The following KYNU variants were observed in gnomAD, a reference collection of about 807,000 sequenced individuals.
KYNU encodes kynureninase, also known as L-kynurenine hydrolase.
A neutral mutation model predicts 59.2 loss-of-function variants in KYNU; 54 were observed. The ratio of observed to expected loss-of-function variants is 0.91; its 90% confidence interval spans 0.73 to 1.14. The LOEUF is 1.14. KYNU is among the 50% of genes most tolerant of loss of function. The pLI is 0.00. For synonymous variants in KYNU, 177 were observed against 192.0 expected (o/e 0.92, Z 0.65); for missense variants, 567 against 554.4 (o/e 1.02, Z -0.23).
At chr2:142,884,157 C>T (rs1194055336) in intron 1 of KYNU, among the ~76,000 whole-genome samples, 3 of 152,132 alleles carry the variant, frequency 2.0e-5, no homozygotes, top group African/African-American at 7.2e-5. Flanking sequence ...AAACAGAATA[C>T]AATGTGGTTT....
chr2:143,046,167 C>T lies in KYNU; in HGVS notation c.*3995C>T, dbSNP rs923450629. On this transcript the variant is annotated 3_prime_UTR_variant, in exon 14 of 14. Coordinates refer to ENST00000264170, the MANE Select transcript of KYNU (RefSeq NM_003937.3). ...GCTCCCTCCCCAAATCCACAGATAA[C>T]CATCGAATTATATTTTGTTTTCTTC... 1 of 152,126 alleles carries T rather than the reference C, an allele frequency of 6.6e-6. No homozygotes were observed. Among genetic ancestry groups the T allele is most frequent in the Non-Finnish European group, 1.5e-5 (1 of 68,022 alleles). 9.4% of individuals were successfully genotyped at this position (152,126 alleles called of 1,614,324 possible). A position where few individuals can be genotyped will look rare whatever the true frequency, so the allele number is the denominator to read the frequency against.
intron 7 of KYNU, 172 bp downstream of exon 7, chr2:142,957,887 C>G (rs1395695255): frequency 8.6e-6 from 5 of 579,380 alleles, no homozygotes; most frequent in Non-Finnish European, 1.5e-5. Flanking sequence ...TAGAGAATAA[C>G]TCAGATGTGT....
At chr2:143,039,252 C>A (rs1686969088) in intron 12 of KYNU, among the ~76,000 whole-genome samples, 2 of 152,040 alleles carry the variant, frequency 1.3e-5, no homozygotes, top group African/African-American at 4.8e-5. Context: ...TATTTAACTG[C>A]TTGTTTTCTT....
intron 4 of KYNU, among the ~76,000 whole-genome samples, chr2:142,944,029 A>G (rs1683693549): frequency 6.6e-6 from 1 of 152,232 alleles, no homozygotes; most frequent in African/African-American, 2.4e-5. Context: ...TTAGGATTAA[A>G]AAGACACAGA....
intron 8 of KYNU, among the ~76,000 whole-genome samples, chr2:142,969,968 A>G (rs1684667238): frequency 1.3e-5 from 2 of 152,342 alleles, no homozygotes; most frequent in South Asian, 2.1e-4. Context: ...CTGAAAAATG[A>G]AAGTGTTCCA....
At chr2:142,941,172 C>A (rs1021229147) in intron 4 of KYNU, among the ~76,000 whole-genome samples, 4 of 152,152 alleles carry the variant, frequency 2.6e-5, no homozygotes, top group Admixed American at 2.0e-4. Flanking sequence ...GGGCAGCCCC[C>A]CATAGTGAGA....
chr2:142,913,315 T>G (rs1682562477), intron 2 of KYNU, among the ~76,000 whole-genome samples: 1 of 152,222 alleles, frequency 6.6e-6, no homozygotes, highest in Admixed American at 6.5e-5. Context: ...AACTTACTGA[T>G]GTAGGTGCTT....
chr2:142,939,989 C>A (rs965286892), intron 4 of KYNU, among the ~76,000 whole-genome samples: 3 of 152,196 alleles, frequency 2.0e-5, no homozygotes, highest in Admixed American at 2.0e-4. Context: ...AATCTCCTCC[C>A]ACACCAGTGG....
intron 12 of KYNU, among the ~76,000 whole-genome samples, chr2:143,035,518 T>C (rs554668319): frequency 1.4e-4 from 21 of 152,358 alleles, no homozygotes; most frequent in African/African-American, 5.0e-4. Context: ...TTTCTAGACA[T>C]TTATGGGTTT....
chr2:142,885,980 A>T (rs1225337231), intron 2 of KYNU, among the ~76,000 whole-genome samples: 6 of 152,216 alleles, frequency 3.9e-5, no homozygotes, highest in Non-Finnish European at 7.3e-5. Context: ...GAGATGTTAT[A>T]TGAATAGCCA....
Position 143,048,320 on chromosome 2 carries a change from A to G in KYNU, c.*6148A>G, listed in dbSNP as rs1687203121. On this transcript the variant is annotated 3_prime_UTR_variant, in exon 14 of 14. Coordinates refer to ENST00000264170, the MANE Select transcript of KYNU (RefSeq NM_003937.3). ...CTATTTTAACATGCAAATATAATGA[A>G]GTTTAGAATTAGCCATTTTTTATAA... 1 of 152,220 alleles carries G rather than the reference A, an allele frequency of 6.6e-6. No individual in the cohort carries two copies. The highest frequency in any genetic ancestry group is 2.1e-4 in the South Asian group (1 of 4,834). 9.4% of individuals were successfully genotyped at this position (152,220 alleles called of 1,614,324 possible).
At chr2:142,955,992 A>T (rs1417091102) in intron 5 of KYNU, among the ~76,000 whole-genome samples, 1 of 152,088 alleles carries the variant, frequency 6.6e-6, no homozygotes, top group Non-Finnish European at 1.5e-5. Flanking sequence ...TTGCTGTTTC[A>T]TTGATAAGCA....
At chr2:142,942,735 A>C (rs1259788659) in intron 4 of KYNU, among the ~76,000 whole-genome samples, 1 of 152,230 alleles carries the variant, frequency 6.6e-6, no homozygotes, top group African/African-American at 2.4e-5. Flanking sequence ...CAAGTGGGCA[A>C]CTTGAGAGAT....
chr2:142,944,904 A>G (rs1328131982), intron 4 of KYNU, among the ~76,000 whole-genome samples: 1 of 152,262 alleles, frequency 6.6e-6, no homozygotes, highest in Non-Finnish European at 1.5e-5. Context: ...TACAAAAGTT[A>G]TGTTTACACT....
rs1046201217 is a variant in KYNU, at chr2:143,050,079, T to C, written c.*7907T>C. The stretch of plus-strand genomic sequence containing the variant: ...AAAATATGAAATATATAATACAGTA[T>C]AAAATCTATTTTATGTAAAATCTAT... On this transcript the variant is annotated 3_prime_UTR_variant, in exon 14 of 14. Transcript: ENST00000264170. 2.0e-5 allele frequency: 3 copies of C among 148,078 alleles called. No homozygotes were observed. In the East Asian group the frequency reaches 5.9e-4, roughly 29 times the overall value. The allele number at this position is 148,078 out of a possible 1,614,324, so 9.2% of individuals were successfully genotyped here. A position where few individuals can be genotyped will look rare whatever the true frequency, so the allele number is the denominator to read the frequency against.
chr2:142,930,208 G>A (rs1386860151), intron 4 of KYNU, among the ~76,000 whole-genome samples: 1 of 152,134 alleles, frequency 6.6e-6, no homozygotes, highest in Admixed American at 6.5e-5. Flanking sequence ...TTAGGAATTT[G>A]GGCAAGACAG....
intron 11 of KYNU, among the ~76,000 whole-genome samples, chr2:143,031,772 T>A (rs533632497): frequency 6.6e-6 from 1 of 152,276 alleles, no homozygotes; most frequent in African/African-American, 2.4e-5. Context: ...ACAGGCCATA[T>A]GGCCATATAT....
At chr2:143,033,776 GT>G (rs1686822308) in intron 12 of KYNU, among the ~76,000 whole-genome samples, 4 of 152,120 alleles carry the variant, frequency 2.6e-5, no homozygotes, top group Non-Finnish European at 5.9e-5. Flanking sequence ...TTCATTGTAG[GT>G]GAATGAACTG....
At chr2:142,973,871 G>A (rs1344930541) in intron 8 of KYNU, among the ~76,000 whole-genome samples, 1 of 152,172 alleles carries the variant, frequency 6.6e-6, no homozygotes, top group African/African-American at 2.4e-5. Flanking sequence ...ATAGAAATAT[G>A]TAAAGAGAAT....
Sources: allele counts gnomAD v4.1 joint callset (sites outside exome capture counted in the v4.1 genomes callset), GRCh38; gene constraint gnomAD v4.1.1; transcripts MANE v1.5; gene names NCBI Gene and HGNC (gene_info 2026-07-23, HGNC 2026-07-21).